Variants in FBXL20 observed in about 807,000 individuals in gnomAD.
FBXL20 encodes F-box/LRR-repeat protein 20.
A neutral mutation model predicts 64.0 loss-of-function variants in FBXL20; 11 were observed. The observed-to-expected ratio is 0.17, with a 90% CI of 0.11 to 0.28. The LOEUF (loss-of-function observed/expected upper bound fraction) is 0.28. Among genes scored for constraint, FBXL20 ranks in the 10% least tolerant of loss-of-function variants. FBXL20 has a pLI of 1.00. For missense variants in FBXL20, 303 were observed against 526.2 expected (o/e 0.58, Z 4.15); for synonymous variants, 184 against 189.0 (o/e 0.97, Z 0.22).
chr17:39,253,159 G>T lies in FBXL20; in HGVS notation c.*8301C>A. On this transcript the variant is annotated 3_prime_UTR_variant, in exon 15 of 15. Coordinates refer to ENST00000264658, the MANE Select transcript of FBXL20 (RefSeq NM_032875.3). The stretch of plus-strand genomic sequence containing the variant: ...GCAGGGATGAAACAGAGCCTGGTAT[G>T]AAGATAAAAATGTCTCCAACAGCAC... 6.5e-6 allele frequency: 1 copy of T among 152,816 alleles called. No homozygotes were observed. Among genetic ancestry groups the T allele is most frequent in the Non-Finnish European group, 1.5e-5 (1 of 68,356 alleles). The allele number at this position is 152,816 out of a possible 1,614,324, so 9.5% of individuals were successfully genotyped here. A position where few individuals can be genotyped will look rare whatever the true frequency, so the allele number is the denominator to read the frequency against.
intron 1 of FBXL20, among the ~76,000 whole-genome samples, chr17:39,371,710 G>A (rs1181869205): frequency 6.6e-6 from 1 of 151,506 alleles, no homozygotes; most frequent in Non-Finnish European, 1.5e-5. Context: ...GCCCAGGCTG[G>A]AGTGCAGTGG....
At chr17:39,354,476 C>T (rs1484816045) in intron 1 of FBXL20, among the ~76,000 whole-genome samples, 1 of 152,180 alleles carries the variant, frequency 6.6e-6, no homozygotes, top group East Asian at 1.9e-4. Context: ...GCTCAGAATA[C>T]CAGTCCTACG....
chr17:39,401,769 C>G, upstream of FBXL20: 13 of 1,026,474 alleles, frequency 1.3e-5, no homozygotes, highest in Non-Finnish European at 1.5e-5. Context: ...CGGCGCGAGA[C>G]CACCCCTCCC....
At chr17:39,367,872 T>C (rs962841944) in intron 1 of FBXL20, among the ~76,000 whole-genome samples, 2 of 151,814 alleles carry the variant, frequency 1.3e-5, no homozygotes, top group African/African-American at 4.8e-5. Flanking sequence ...CAAGAGATTC[T>C]CCTGCCTCAG....
intron 9 of FBXL20, 43 bp downstream of exon 9, chr17:39,281,346 A>G (rs2046948704): frequency 6.4e-7 from 1 of 1,565,312 alleles, no homozygotes; most frequent in Admixed American, 1.8e-5. Context: ...ATTTTAATGA[A>G]ATGAATTACT....
intron 2 of FBXL20, among the ~76,000 whole-genome samples, chr17:39,320,698 G>A (rs998111049): frequency 2.0e-5 from 3 of 151,134 alleles, no homozygotes; most frequent in Non-Finnish European, 4.4e-5. Context: ...AGGCTCAAGC[G>A]ATTCTCCTGC....
intron 10 of FBXL20, among the ~76,000 whole-genome samples, chr17:39,272,685 G>T (rs1412891154): frequency 9.0e-6 from 1 of 111,036 alleles, no homozygotes; most frequent in East Asian, 2.7e-4. Flanking sequence ...CTGGGCAACA[G>T]AGCCAAACTC....
At chr17:39,283,578 A>ATTTTGGAT (rs950813569) in intron 7 of FBXL20, among the ~76,000 whole-genome samples, 7 of 152,082 alleles carry the variant, frequency 4.6e-5, no homozygotes, top group Non-Finnish European at 8.8e-5. Context: ...ACCCAGCTGC[A>ATTTTGGAT]TTTTGGATTT....
At chr17:39,272,466 G>C (rs1447531392) in intron 10 of FBXL20, among the ~76,000 whole-genome samples, 1 of 151,110 alleles carries the variant, frequency 6.6e-6, no homozygotes, top group African/African-American at 2.4e-5. Context: ...CCAGAACTTT[G>C]GGAGGGCAGA....
intron 2 of FBXL20, among the ~76,000 whole-genome samples, chr17:39,331,085 C>T (rs1211351878): frequency 6.6e-6 from 1 of 152,156 alleles, no homozygotes; most frequent in African/African-American, 2.4e-5. Flanking sequence ...ACGCATGTGC[C>T]ACCACACCTG....
intron 1 of FBXL20, among the ~76,000 whole-genome samples, chr17:39,396,368 G>T (rs1350060136): frequency 1.3e-5 from 2 of 151,972 alleles, no homozygotes; most frequent in African/African-American, 2.4e-5. Context: ...GGCTGAGATG[G>T]GTGTATCACC....
At chr17:39,312,154 C>G (rs1434710031) in intron 2 of FBXL20, among the ~76,000 whole-genome samples, 1 of 152,108 alleles carries the variant, frequency 6.6e-6, no homozygotes, top group African/African-American at 2.4e-5. Flanking sequence ...TGGTGGCTCA[C>G]GCCTGTAATC....
chr17:39,349,174 C>G (rs1400624383), intron 1 of FBXL20, among the ~76,000 whole-genome samples: 1 of 151,546 alleles, frequency 6.6e-6, no homozygotes, highest in African/African-American at 2.4e-5. Context: ...ATCACTTGAA[C>G]CCGGGAGACA....
At chr17:39,298,448 G>T (rs2047105899) in intron 5 of FBXL20, among the ~76,000 whole-genome samples, 1 of 152,174 alleles carries the variant, frequency 6.6e-6, no homozygotes, top group African/African-American at 2.4e-5. Flanking sequence ...GCTGGGTGCA[G>T]TGGCTCATGC....
chr17:39,282,792 G>A lies in FBXL20; in HGVS notation c.558C>T (p.Gly186=). The A allele has an allele frequency of 6.2e-7, 1 of 1,614,050 alleles. No individual in the cohort carries two copies. The highest frequency in any genetic ancestry group is 1.1e-5 in the South Asian group (1 of 91,076). Residue 186 remains glycine (G), a synonymous_variant, in exon 8 of 15, where the codon GGC becomes GGT. Coordinates refer to ENST00000264658, the MANE Select transcript of FBXL20 (RefSeq NM_032875.3). ...ISWCDQVTKD[G]IQALVRGCGG... ...CACAGCCCCTCACTAGTGCTTGAATGCCATCCTTGGTTACTTGGTCACACC... is the reference window on the plus strand; with the variant it reads ...CACAGCCCCTCACTAGTGCTTGAATACCATCCTTGGTTACTTGGTCACACC...
At chr17:39,277,434 A>G (rs1381194129) in intron 9 of FBXL20, among the ~76,000 whole-genome samples, 3 of 152,180 alleles carry the variant, frequency 2.0e-5, no homozygotes, top group Non-Finnish European at 2.9e-5. Flanking sequence ...TGAGGAAGAA[A>G]GATGAGTTAA....
intron 1 of FBXL20, among the ~76,000 whole-genome samples, chr17:39,380,315 A>AACC (rs1047687828): frequency 7.2e-5 from 11 of 152,096 alleles, no homozygotes; most frequent in African/African-American, 2.4e-4. Context: ...CCTGCTCTCT[A>AACC]ACCACCACCA....
intron 1 of FBXL20, among the ~76,000 whole-genome samples, chr17:39,393,659 A>G (rs1408321331): frequency 2.0e-5 from 3 of 152,218 alleles, no homozygotes; most frequent in Non-Finnish European, 4.4e-5. Context: ...TAAGAGGCTT[A>G]TTAAAAGAGT....
chr17:39,334,478 A>T (rs2047500403), intron 2 of FBXL20, among the ~76,000 whole-genome samples: 1 of 147,030 alleles, frequency 6.8e-6, no homozygotes, highest in Admixed American at 6.7e-5. Context: ...AATACTAAAA[A>T]AATTAAAAAA....
Sources: allele counts gnomAD v4.1 joint callset (sites outside exome capture counted in the v4.1 genomes callset), GRCh38; gene constraint gnomAD v4.1.1; transcripts MANE v1.5; gene names NCBI Gene and HGNC (gene_info 2026-07-23, HGNC 2026-07-21).